The following ME1 variants were observed in gnomAD, a reference collection of about 807,000 sequenced individuals.
ME1 encodes malic enzyme 1.
In ME1, 74 loss-of-function variants were observed where a neutral mutation model predicts 66.4. The ratio of observed to expected loss-of-function variants is 1.11; its 90% CI spans 0.92 to 1.35. The LOEUF is 1.35. Among genes scored for constraint, ME1 ranks in the 40% most tolerant of loss-of-function variants. The pLI, the probability that ME1 is intolerant of heterozygous loss-of-function variation, is 0.00. For synonymous variants in ME1, 251 were observed against 235.6 expected (o/e 1.07, Z -0.60); for missense variants, 750 against 694.1 (o/e 1.08, Z -0.90).
At chr6:83,360,582 A>G (rs1429664587) in intron 3 of ME1, among the ~76,000 whole-genome samples, 1 of 152,210 alleles carries the variant, frequency 6.6e-6, no homozygotes, top group African/African-American at 2.4e-5. Context: ...GAGGGCTATT[A>G]TGGTAGGAAA....
Position 83,358,260 on chromosome 6 carries a change from G to A in ME1, c.363-6121C>T, listed in dbSNP as rs576907499. The stretch of plus-strand genomic sequence containing the variant: ...CAAAATATATGCATTTGACACTCCC[G>A]ATTCATCACTCATGAGAGGCAAGGA... On this transcript the variant is annotated intron_variant, in intron 3 of 13. Coordinates refer to ENST00000369705, the MANE Select transcript of ME1 (RefSeq NM_002395.6). 6.6e-5 allele frequency among the ~76,000 whole-genome samples: 10 copies of A among 151,974 alleles called. No homozygotes were observed. The South Asian group carries it at 1.5e-3, about 22-fold the overall frequency.
Position 83,430,948 on chromosome 6 carries a change from G to A in ME1, c.7C>T (p.Pro3Ser), listed in dbSNP as rs777636186. The A allele has an allele frequency of 4.5e-6, 7 of 1,572,992 alleles. No individual in the cohort carries two copies. The highest frequency in any genetic ancestry group is 1.8e-5 in the Admixed American group (1 of 54,458). The change falls in exon 1 of 14, where the codon CCC becomes TCC. Residue 3 changes from proline to serine, a missense_variant. Transcript: ENST00000369705. Reference sequence around the variant, plus strand: ...GTGTGGCGGCGACGGGGGGCTTCGGGCTCCATGGCTGGCGCCGGGTTCGGC... The same window carrying A: ...GTGTGGCGGCGACGGGGGGCTTCGGACTCCATGGCTGGCGCCGGGTTCGGC... MEPEAPRRRHTHQ... is the reference protein window; with the variant it reads MESEAPRRRHTHQ...
rs899251504 is a variant in ME1 at position 83,340,182 on chromosome 6, G to A, written c.600+5991C>T. Among the ~76,000 whole-genome samples the A allele has an allele frequency of 2.0e-5, 3 of 152,152 alleles. No homozygotes were observed. In the South Asian group the frequency reaches 6.2e-4, roughly 32 times the overall value. On this transcript the variant is annotated intron_variant, in intron 5 of 13. Coordinates refer to ENST00000369705, the MANE Select transcript of ME1 (RefSeq NM_002395.6). Reference sequence around the variant, plus strand: ...ACAGTATTTTTTAGTTGGTTTTCTTGAGTTTCAGTAATAGATAAACATATT... The same window carrying A: ...ACAGTATTTTTTAGTTGGTTTTCTTAAGTTTCAGTAATAGATAAACATATT...
intron 11 of ME1, 101 bp downstream of exon 11, chr6:83,227,234 A>T: frequency 1.3e-6 from 1 of 744,974 alleles, no homozygotes; most frequent in South Asian, 5.8e-5. Context: ...TTTTGGTTGT[A>T]TAATTTTTAA....
At chr6:83,289,979 T>C (rs567855047) in intron 6 of ME1, among the ~76,000 whole-genome samples, 2 of 152,336 alleles carry the variant, frequency 1.3e-5, no homozygotes, top group Non-Finnish European at 2.9e-5. Context: ...GGTGGTGATA[T>C]CCCCTTTATC....
At chr6:83,247,837 A>G (rs1366882886) in intron 7 of ME1, among the ~76,000 whole-genome samples, 1 of 152,234 alleles carries the variant, frequency 6.6e-6, no homozygotes, top group Admixed American at 6.5e-5. Flanking sequence ...GAGATTAGAC[A>G]TATTTTTCTC....
chr6:83,289,087 A>G (rs971931349), intron 6 of ME1, among the ~76,000 whole-genome samples: 1 of 152,240 alleles, frequency 6.6e-6, no homozygotes, highest in African/African-American at 2.4e-5. Flanking sequence ...CAATCATGTC[A>G]TCTGCAAACA....
chr6:83,309,312 T>C (rs1196315095), intron 6 of ME1, among the ~76,000 whole-genome samples: 1 of 152,018 alleles, frequency 6.6e-6, no homozygotes, highest in African/African-American at 2.4e-5. Context: ...AGTTAAAAAA[T>C]TGTTACAATA....
Position 83,243,966 on chromosome 6 carries a change from C to T in ME1, c.815-4330G>A, listed in dbSNP as rs918666893. Among the ~76,000 whole-genome samples, 6 of 149,438 alleles carry T rather than the reference C, an allele frequency of 4.0e-5. No homozygotes were observed. In the Admixed American group the frequency reaches 4.1e-4, roughly 10 times the overall value. On this transcript the variant is annotated intron_variant, in intron 7 of 13. Transcript: ENST00000369705. ...CTAGAAGATAGTCAACTTCCCCACA[C>T]TCTGGAAGTTTGAAAGAAAACTTGA...
intron 6 of ME1, among the ~76,000 whole-genome samples, chr6:83,291,227 C>T: frequency 6.6e-6 from 1 of 152,168 alleles, no homozygotes; most frequent in Non-Finnish European, 1.5e-5. Flanking sequence ...ATGGTCTTTA[C>T]AATTTGGCCT....
chr6:83,311,178 T>C (rs187243828), intron 6 of ME1, among the ~76,000 whole-genome samples: 2 of 152,216 alleles, frequency 1.3e-5, no homozygotes, highest in East Asian at 1.9e-4. Flanking sequence ...TTTATCACAA[T>C]ATAACCTATC....
intron 6 of ME1, among the ~76,000 whole-genome samples, chr6:83,292,668 G>A (rs1767526071): frequency 6.6e-6 from 1 of 152,200 alleles, no homozygotes; most frequent in African/African-American, 2.4e-5. Context: ...CTGTCAGGCA[G>A]GGACGTTTAA....
intron 2 of ME1, among the ~76,000 whole-genome samples, 159 bp downstream of exon 2, chr6:83,407,609 G>A (rs1769970489): frequency 6.6e-6 from 1 of 152,156 alleles, no homozygotes; most frequent in Non-Finnish European, 1.5e-5. Context: ...CCTAAAGAGA[G>A]TAAATTTTTT....
intron 1 of ME1, among the ~76,000 whole-genome samples, chr6:83,422,334 A>G (rs1302762511): frequency 2.0e-5 from 3 of 152,214 alleles, no homozygotes; most frequent in Admixed American, 2.0e-4. Context: ...TCCAACTTGC[A>G]AAATCACCTA....
At chr6:83,394,524 C>G (rs1052353016) in intron 3 of ME1, among the ~76,000 whole-genome samples, 1 of 152,094 alleles carries the variant, frequency 6.6e-6, no homozygotes, top group African/African-American at 2.4e-5. Context: ...GATGATGCGG[C>G]CAACTCTTTT....
intron 6 of ME1, among the ~76,000 whole-genome samples, chr6:83,273,767 G>T (rs1482460253): frequency 6.6e-6 from 1 of 152,178 alleles, no homozygotes; most frequent in Non-Finnish European, 1.5e-5. Context: ...GTTATGAAAT[G>T]AACGTTATAT....
At chr6:83,241,823 G>A (rs775592156) in intron 7 of ME1, among the ~76,000 whole-genome samples, 9 of 151,884 alleles carry the variant, frequency 5.9e-5, no homozygotes, top group Admixed American at 2.0e-4. Context: ...GACAGAATTC[G>A]TGCTTAGGTT....
chr6:83,272,744 C>A (rs1434054999), intron 6 of ME1, among the ~76,000 whole-genome samples: 1 of 152,150 alleles, frequency 6.6e-6, no homozygotes, highest in African/African-American at 2.4e-5. Context: ...ATTAGTCTCT[C>A]TTTATAGACT....
At chr6:83,292,232 T>A (rs930049222) in intron 6 of ME1, among the ~76,000 whole-genome samples, 1 of 152,220 alleles carries the variant, frequency 6.6e-6, no homozygotes, top group African/African-American at 2.4e-5. Flanking sequence ...CTTTCTGCTC[T>A]GGTTTCTACA....
Sources: gnomAD v4.1 joint callset for allele counts (sites outside exome capture counted in the v4.1 genomes callset) on GRCh38, gnomAD v4.1.1 for gene constraint, MANE v1.5 for transcripts, NCBI Gene and HGNC (gene_info 2026-07-23, HGNC 2026-07-21) for gene names.